MX2: variants seen among roughly 807,000 people sequenced by gnomAD.
MX2 encodes the protein interferon-induced GTP-binding protein Mx2.
Under a neutral mutation model 74.0 loss-of-function variants are expected in MX2, and 51 were observed. The observed-to-expected ratio is 0.69, with a 90% CI of 0.55 to 0.87. The LOEUF (loss-of-function observed/expected upper bound fraction) is 0.87, where lower values mean the gene tolerates loss of function less well. MX2 is among the 40% of genes least tolerant of loss of function. MX2 has a pLI of 0.00. For synonymous variants in MX2, 369 were observed against 339.3 expected (o/e 1.09, Z -0.96); for missense variants, 832 against 908.7 (o/e 0.92, Z 1.09).
chr21:41,375,924 T>C (rs2089395825), intron 1 of MX2, among the ~76,000 whole-genome samples: 1 of 152,202 alleles, frequency 6.6e-6, no homozygotes, highest in African/African-American at 2.4e-5. Context: ...TTAGGCGTCA[T>C]TGGCCCTCCC....
At chr21:41,381,874 C>T (rs548822926) in intron 4 of MX2, among the ~76,000 whole-genome samples, 1 of 152,258 alleles carries the variant, frequency 6.6e-6, no homozygotes, top group East Asian at 1.9e-4. Context: ...TTGTGGACTT[C>T]TCCATAGCTA....
chr21:41,369,273 T>C (rs1355294517), intron 1 of MX2, among the ~76,000 whole-genome samples: 2 of 152,142 alleles, frequency 1.3e-5, no homozygotes, highest in African/African-American at 4.8e-5. Flanking sequence ...GGCGGGGCCA[T>C]TCACACAACC....
intron 6 of MX2, among the ~76,000 whole-genome samples, chr21:41,391,250 A>G (rs938986386): frequency 4.7e-5 from 7 of 150,498 alleles, no homozygotes; most frequent in South Asian, 4.4e-4. Context: ...GAAAGGAAAG[A>G]AAAAAAGTTT....
In MX2 at chr21:41,398,896, G is replaced by T; in HGVS notation, c.1150-1G>T. 6.2e-7 allele frequency: 1 copy of T among 1,612,010 alleles called. No individual in the cohort carries two copies. Among genetic ancestry groups the T allele is most frequent in the South Asian group, 1.1e-5 (1 of 90,908 alleles). On this transcript the variant is annotated splice_acceptor_variant, in intron 8 of 13. Coordinates refer to ENST00000330714, the MANE Select transcript of MX2 (RefSeq NM_002463.2). LOFTEE classifies it high-confidence loss of function. ...TGATTGTTTGCAATTGTTTTGTTTA[G>T]AAATCGCTCCCGTTGTTAGAAGGAC...
At chr21:41,401,947 T>C (rs766001244) in intron 10 of MX2, 23 bp from the exon 11 acceptor site, 3 of 1,607,378 alleles carry the variant, frequency 1.9e-6, no homozygotes, top group Non-Finnish European at 1.7e-6. Flanking sequence ...GAATTCACCA[T>C]GGAGGTCTGT....
chr21:41,372,130 A>G (rs933399557), intron 1 of MX2, among the ~76,000 whole-genome samples: 26 of 152,348 alleles, frequency 1.7e-4, no homozygotes, highest in African/African-American at 4.3e-4. Context: ...TAGACTTGCT[A>G]TCATGAACCC....
At chr21:41,395,816 G>T in intron 7 of MX2, 31 bp downstream of exon 7, 2 of 1,610,154 alleles carry the variant, frequency 1.2e-6, no homozygotes, top group South Asian at 2.2e-5. Flanking sequence ...TCTGGAATTA[G>T]ACTCCATGAA....
intron 1 of MX2, among the ~76,000 whole-genome samples, chr21:41,362,762 T>TTTTTC (rs2089227385): frequency 8.0e-6 from 1 of 125,242 alleles, no homozygotes; most frequent in Non-Finnish European, 1.6e-5. Flanking sequence ...TTTTTTTTTT[T>TTTTTC]TTTTTTTTTT....
intron 10 of MX2, chr21:41,401,262 T>C (rs1378362308): frequency 1.3e-5 from 2 of 152,128 alleles, no homozygotes; most frequent in Non-Finnish European, 2.9e-5. Context: ...AACCATCTCA[T>C]TGTGTGTGTG....
At chr21:41,396,814 C>A (rs1451641209) in intron 7 of MX2, among the ~76,000 whole-genome samples, 1 of 152,170 alleles carries the variant, frequency 6.6e-6, no homozygotes, top group African/African-American at 2.4e-5. Flanking sequence ...TAATCAGGCC[C>A]ATGGTTCTCC....
At chr21:41,362,762 T>TTTTTTTTTTTTTTTTTTTTTTTC (rs2089227464) in intron 1 of MX2, among the ~76,000 whole-genome samples, 1 of 125,242 alleles carries the variant, frequency 8.0e-6, no homozygotes, top group Non-Finnish European at 1.6e-5. Flanking sequence ...TTTTTTTTTT[T>TTTTTTTTTTTTTTTTTTTTTTTC]TTTTTTTTTT....
At chr21:41,399,093 T>A in intron 9 of MX2, 74 bp downstream of exon 9, 2 of 1,595,822 alleles carry the variant, frequency 1.3e-6, no homozygotes, top group Non-Finnish European at 1.7e-6. Context: ...TTCCCCTTCT[T>A]CACCCATGAG....
At chr21:41,406,077 C>T (rs1395327535) in intron 12 of MX2, among the ~76,000 whole-genome samples, 1 of 152,110 alleles carries the variant, frequency 6.6e-6, no homozygotes, top group East Asian at 1.9e-4. Context: ...CAACCTCTGC[C>T]TCCCAGGTTC....
rs574798566 is a variant in MX2, at chr21:41,396,311, A to C, written c.1070+526A>C. Among the ~76,000 whole-genome samples the C allele has an allele frequency of 3.3e-5, 5 of 152,362 alleles. No homozygotes were observed. The South Asian group carries it at 1.0e-3, about 32-fold the overall frequency. ...ACTTGTTTTTATTAAATAGAAACTT[A>C]ATAATAACTGGCTTTATTAAATAGA... On this transcript the variant is annotated intron_variant, in intron 7 of 13. Coordinates refer to ENST00000330714, the MANE Select transcript of MX2 (RefSeq NM_002463.2).
chr21:41,362,755 T>C (rs960074756), intron 1 of MX2, among the ~76,000 whole-genome samples: 9 of 68,962 alleles, frequency 1.3e-4, no homozygotes, highest in African/African-American at 1.7e-4. Flanking sequence ...TTTTTCTTTT[T>C]TTTTTTTTTT....
chr21:41,400,043 G>A (rs899146264), intron 10 of MX2, among the ~76,000 whole-genome samples: 1 of 152,234 alleles, frequency 6.6e-6, no homozygotes, highest in Non-Finnish European at 1.5e-5. Context: ...AGCCACTGTT[G>A]AATTGAGTGC....
chr21:41,376,911 C>G lies in MX2; in HGVS notation c.5C>G (p.Ser2Cys), dbSNP rs372278299. The G allele has an allele frequency of 8.7e-6, 14 of 1,613,790 alleles. No individual in the cohort carries two copies. Among genetic ancestry groups the G allele is most frequent in the Non-Finnish European group, 1.2e-5 (14 of 1,180,012 alleles). The stretch of plus-strand genomic sequence containing the variant: ...GCTCTGACAGGGAGACAGCACATGT[C>G]TAAGGCCCACAAGCCTTGGCCCTAC... M[S>C]KAHKPWPYRR... Residue 2 changes from serine to cysteine, a missense_variant, in exon 2 of 14, where the codon TCT becomes TGT. Coordinates refer to ENST00000330714, the MANE Select transcript of MX2 (RefSeq NM_002463.2).
chr21:41,379,901 G>A, intron 3 of MX2, 116 bp from the exon 4 acceptor site: 1 of 1,351,594 alleles, frequency 7.4e-7, no homozygotes, highest in Non-Finnish European at 1.0e-6. Flanking sequence ...GCCCCAGGGA[G>A]AGCCAGAAAG....
At chr21:41,399,688 C>T (rs1279160925) in intron 10 of MX2, 2 of 200,030 alleles carry the variant, frequency 1.0e-5, no homozygotes, top group Non-Finnish European at 2.1e-5. Context: ...ACCTCAGCCT[C>T]CTGAGTAGTT....
Sources: allele counts gnomAD v4.1 joint callset (sites outside exome capture counted in the v4.1 genomes callset), GRCh38; gene constraint gnomAD v4.1.1; transcripts MANE v1.5; gene names NCBI Gene and HGNC (gene_info 2026-07-23, HGNC 2026-07-21).